Variants in RFC4 observed in about 807,000 individuals in gnomAD.
RFC4 encodes A1 37 kDa subunit.
Under a neutral mutation model 47.6 loss-of-function variants are expected in RFC4, and 38 were observed. The observed-to-expected ratio is 0.80, with a 90% CI of 0.62 to 1.05. The LOEUF (loss-of-function observed/expected upper bound fraction) is 1.05, where lower values mean the gene tolerates loss of function less well. RFC4 is among the 50% of genes least tolerant of loss of function. RFC4 has a pLI of 0.00. For synonymous variants in RFC4, 164 were observed against 150.0 expected, an observed-to-expected ratio of 1.09 and a Z score of -0.68; for missense variants, 489 against 434.0, an observed-to-expected ratio of 1.13 and a Z score of -1.13.
Position 186,796,154 on chromosome 3 carries a change from ATCTATTT to A in RFC4, c.290+1374_291-1378del, listed in dbSNP as rs995866506. ...TTTATGGACATAAACATTTACATGCATCTATTTTCTATTTTAAAGCCACAATATTAAA... is the reference window on the plus strand; with the variant it reads ...TTTATGGACATAAACATTTACATGCATCTATTTTAAAGCCACAATATTAAA... On this transcript the variant is annotated intron_variant, in intron 4 of 10. Coordinates refer to ENST00000296273, the MANE Select transcript of RFC4 (RefSeq NM_002916.5). The surrounding 1 kb of genome is among the most constrained non-coding windows in gnomAD (Gnocchi z 4.2). 6.6e-6 allele frequency among the ~76,000 whole-genome samples: 1 copy of A among 152,190 alleles called. No individual in the cohort carries two copies. The highest frequency in any genetic ancestry group is 2.4e-5 in the African/African-American group (1 of 41,452).
At chr3:186,803,646 GGT>G (rs1475479039) in intron 2 of RFC4, among the ~76,000 whole-genome samples, 1 of 151,196 alleles carries the variant, frequency 6.6e-6, no homozygotes, top group Non-Finnish European at 1.5e-5. Flanking sequence ...TGGGATTACA[GGT>G]GCCCGCCAAC....
At chr3:186,801,494 T>G in intron 2 of RFC4, 1 of 274,404 alleles carries the variant, frequency 3.6e-6, no homozygotes, top group African/African-American at 2.3e-5. Context: ...AATTAGAAAT[T>G]AAAGTGGGGG....
chr3:186,797,695 G>T, intron 3 of RFC4, 81 bp from the exon 4 acceptor site: 1 of 953,404 alleles, frequency 1.0e-6, no homozygotes, highest in Non-Finnish European at 1.6e-6. Context: ...AAATGTCTGT[G>T]GAATAGTGCA....
At chr3:186,790,457 A>C (rs541471371) in intron 8 of RFC4, 51 bp from the exon 9 acceptor site, 1 of 1,304,648 alleles carries the variant, frequency 7.7e-7, no homozygotes, top group Non-Finnish European at 1.1e-6. Context: ...GAGACTAGAC[A>C]TACACTCTGC....
intron 8 of RFC4, 142 bp downstream of exon 8, chr3:186,791,583 C>G (rs748173633): frequency 1.3e-6 from 1 of 773,400 alleles, no homozygotes; most frequent in African/African-American, 1.7e-5. Flanking sequence ...CTCAAACACT[C>G]TGATACTCCC....
intron 4 of RFC4, among the ~76,000 whole-genome samples, chr3:186,795,517 G>A (rs942321207): frequency 2.6e-5 from 4 of 152,076 alleles, no homozygotes; most frequent in Non-Finnish European, 5.9e-5. Flanking sequence ...ATTTCCGGCC[G>A]GATGTGGTGG....
At position 186,801,539 on chromosome 3, in the gene RFC4, G is replaced by A. The variant is rs571983117; in HGVS notation, c.132-344C>T. The stretch of plus-strand genomic sequence containing the variant: ...ATCCTGGCTAACACAGTGAAACCCC[G>A]TCTCTACTAAAAACACAAAAAATTA... On this transcript the variant is annotated intron_variant, in intron 2 of 10. Coordinates refer to ENST00000296273, the MANE Select transcript of RFC4 (RefSeq NM_002916.5). 1.4e-4 allele frequency: 27 copies of A among 194,096 alleles called. No individual in the cohort carries two copies. In the South Asian group the frequency reaches 1.5e-3, roughly 10 times the overall value. 12.0% of individuals were successfully genotyped at this position (194,096 alleles called of 1,614,324 possible).
chr3:186,801,803 C>CA (rs1296410434), intron 2 of RFC4, among the ~76,000 whole-genome samples: 3 of 151,036 alleles, frequency 2.0e-5, no homozygotes, highest in African/African-American at 7.3e-5. Context: ...GCAGGTGGAT[C>CA]ACCTGAGGTC....
At chr3:186,798,329 A>G (rs902171663) in intron 3 of RFC4, among the ~76,000 whole-genome samples, 11 of 152,160 alleles carry the variant, frequency 7.2e-5, no homozygotes, top group Non-Finnish European at 2.9e-5. Context: ...GTGAAAATTA[A>G]TAAGTCAACT....
At position 186,793,884 on chromosome 3, in the gene RFC4, A is replaced by T. The variant is rs184943333; in HGVS notation, c.410+774T>A. 3.4e-4 allele frequency among the ~76,000 whole-genome samples: 52 copies of T among 151,990 alleles called. No individual in the cohort carries two copies. Among genetic ancestry groups the T allele is most frequent in the Middle Eastern group, 3.4e-3 (1 of 294 alleles). On this transcript the variant is annotated intron_variant, in intron 5 of 10. Transcript: ENST00000296273. This position sits in a 1 kb window ranked among gnomAD's most constrained non-coding sequence, Gnocchi z 4.2. ...ACTACAGGCGCCCGCCACCACACCCAGCTAATTTTTTGTATTTTTAGTAGA... is the reference window on the plus strand; with the variant it reads ...ACTACAGGCGCCCGCCACCACACCCTGCTAATTTTTTGTATTTTTAGTAGA...
In RFC4 at chr3:186,801,938, G is replaced by A. The variant is rs549355950; in HGVS notation, c.132-743C>T. ...CTCGGGAGGCTGAGGAAGGAGAAGC[G>A]CTTGAACCCTGGAGGCAGAGGTTGT... is the stretch of plus-strand genomic sequence containing the variant. On this transcript the variant is annotated intron_variant, in intron 2 of 10. Coordinates refer to ENST00000296273, the MANE Select transcript of RFC4 (RefSeq NM_002916.5). 4.4e-4 allele frequency among the ~76,000 whole-genome samples: 64 copies of A among 146,990 alleles called. 1 individual carries two copies. The highest frequency in any genetic ancestry group is 8.0e-4 in the East Asian group (4 of 5,002).
chr3:186,790,411 G>A lies in RFC4; in HGVS notation c.802-5C>T, dbSNP rs1560089573. 6.3e-7 allele frequency: 1 copy of A among 1,597,098 alleles called. No homozygotes were observed. Among genetic ancestry groups the A allele is most frequent in the Non-Finnish European group, 8.6e-7 (1 of 1,164,576 alleles). ...AATTTTCTCAGCTGGTATTACCTAG[G>A]TAATTGAATGTTCGGTATTAAAGAT... is the stretch of plus-strand genomic sequence containing the variant. On this transcript the variant is annotated splice_polypyrimidine_tract_variant and splice_region_variant and intron_variant, in intron 8 of 10. Coordinates refer to ENST00000296273, the MANE Select transcript of RFC4 (RefSeq NM_002916.5).
chr3:186,792,789 G>C lies in RFC4; in HGVS notation c.554+15C>G, dbSNP rs1405211797. ...TAAGGCTGCCTAGCATCTGTCTTCA[G>C]GGCAATATACATACCGACTGACATA... On this transcript the variant is annotated intron_variant, in intron 6 of 10. Transcript: ENST00000296273. 6.2e-7 allele frequency: 1 copy of C among 1,603,132 alleles called. No homozygotes were observed. Among genetic ancestry groups the C allele is most frequent in the South Asian group, 1.1e-5 (1 of 89,100 alleles).
rs1349002630 is a variant in RFC4 at position 186,792,545 on chromosome 3, T to G, written c.620A>C (p.Gln207Pro). 5 of 1,613,686 alleles carry G rather than the reference T, an allele frequency of 3.1e-6. No individual in the cohort carries two copies. Among genetic ancestry groups the G allele is most frequent in the Non-Finnish European group, 4.2e-6 (5 of 1,179,700 alleles). Residue 207 changes from glutamine (Q) to proline (P), a missense_variant, in exon 7 of 11, where the codon CAA (glutamine) becomes CCA (proline). By Grantham distance (76) the Gln-to-Pro change is moderately conservative. Around this residue, in one of 2 missense-constraint regions of RFC4, gnomAD observed 206 missense variants for 257.8 expected, o/e 0.80. Coordinates refer to ENST00000296273, the MANE Select transcript of RFC4 (RefSeq NM_002916.5). ...GGCAATGTCTAGTAATCGCTGCTGT[T>G]GAATTTTATCTGACAGAGGCTTGAA... ...FRFKPLSDKIQQQRLLDIAKK... is the reference protein window; with the variant it reads ...FRFKPLSDKIPQQRLLDIAKK...
chr3:186,798,409 T>C (rs1722286569), intron 3 of RFC4, among the ~76,000 whole-genome samples: 1 of 152,176 alleles, frequency 6.6e-6, no homozygotes. Context: ...GAAATCAGTG[T>C]ACACAGGAAA....
intron 10 of RFC4, 36 bp from the exon 11 acceptor site, chr3:186,790,100 G>C: frequency 6.2e-7 from 1 of 1,601,234 alleles, no homozygotes; most frequent in Non-Finnish European, 8.6e-7. Flanking sequence ...CATCCTTCAG[G>C]TAGTTAAATG....
intron 2 of RFC4, among the ~76,000 whole-genome samples, chr3:186,802,181 C>T (rs191599565): frequency 8.8e-4 from 133 of 151,988 alleles, no homozygotes; most frequent in African/African-American, 3.0e-3. Context: ...GGTGAAACCC[C>T]GTCTGTATTA....
intron 5 of RFC4, 33 bp from the exon 6 acceptor site, chr3:186,792,980 T>C: frequency 6.3e-7 from 1 of 1,586,840 alleles, no homozygotes; most frequent in Non-Finnish European, 8.6e-7. Flanking sequence ...AGTTGAACAT[T>C]AATATGTATA....
intron 2 of RFC4, chr3:186,801,505 A>C (rs757362511): frequency 1.9e-5 from 5 of 258,638 alleles, no homozygotes; most frequent in Non-Finnish European, 3.7e-5. Context: ...AAAGTGGGGG[A>C]TTAAGACCAT....
Sources: allele counts gnomAD v4.1 joint callset (sites outside exome capture counted in the v4.1 genomes callset), GRCh38; gene constraint gnomAD v4.1.1; regional missense constraint gnomAD v4.1.1; non-coding constraint Gnocchi (gnomAD v3.1); transcripts MANE v1.5; gene names NCBI Gene and HGNC (gene_info 2026-07-23, HGNC 2026-07-21).